ADARB2: variants seen among roughly 807,000 people sequenced by gnomAD.
ADARB2 encodes the protein inactive double-stranded RNA-specific editase B2.
ADARB2 carries 25 observed loss-of-function variants against 62.2 expected under a neutral mutation model. That is an observed-to-expected ratio of 0.40 (90% CI 0.29 to 0.56). ADARB2 has a LOEUF of 0.56. ADARB2 is among the 20% of genes least tolerant of loss of function. The pLI, the probability that ADARB2 is intolerant of heterozygous loss-of-function variation, is 0.43. For missense variants in ADARB2, 1,071 were observed against 1,077.4 expected, an observed-to-expected ratio of 0.99 and a Z score of 0.08; for synonymous variants, 572 against 500.8, an observed-to-expected ratio of 1.14 and a Z score of -1.90.
At chr10:1,519,253 C>A (rs555871989) in intron 1 of ADARB2, among the ~76,000 whole-genome samples, 1 of 149,338 alleles carries the variant, frequency 6.7e-6, no homozygotes, top group Non-Finnish European at 1.5e-5. Context: ...TTCCATGTAA[C>A]GTCTGCATGT....
chr10:1,442,837 AT>A (rs1830921945), intron 1 of ADARB2, among the ~76,000 whole-genome samples: 1 of 152,204 alleles, frequency 6.6e-6, no homozygotes, highest in African/African-American at 2.4e-5. Context: ...AGACCAAGAG[AT>A]GCTCGAGGGG....
At chr10:1,401,743 G>A (rs1363322230) in intron 1 of ADARB2, among the ~76,000 whole-genome samples, 8 of 152,138 alleles carry the variant, frequency 5.3e-5, no homozygotes, top group South Asian at 2.1e-4. Context: ...TGAGCCTCAC[G>A]CTCTCTAGAG....
At chr10:1,443,676 C>T (rs1564290357) in intron 1 of ADARB2, among the ~76,000 whole-genome samples, 3 of 151,974 alleles carry the variant, frequency 2.0e-5, no homozygotes, top group African/African-American at 4.8e-5. Context: ...TAGCTGATTT[C>T]GCAGCTAATT....
chr10:1,270,073 T>A (rs897434321), intron 4 of ADARB2, among the ~76,000 whole-genome samples: 4 of 152,202 alleles, frequency 2.6e-5, no homozygotes. Context: ...GAGGCCCACA[T>A]TGGGAAGATC....
intron 3 of ADARB2, among the ~76,000 whole-genome samples, chr10:1,314,816 C>T (rs973652177): frequency 2.0e-5 from 3 of 152,170 alleles, no homozygotes; most frequent in Admixed American, 2.0e-4. Flanking sequence ...AACATGGCCT[C>T]GGATGCCTGC....
chr10:1,419,642 G>A (rs1191073211), intron 1 of ADARB2, among the ~76,000 whole-genome samples: 1 of 152,198 alleles, frequency 6.6e-6, no homozygotes, highest in African/African-American at 2.4e-5. Context: ...ATGTTTGTGG[G>A]TTTTATTAAA....
intron 8 of ADARB2, among the ~76,000 whole-genome samples, chr10:1,189,891 G>A (rs1413613588): frequency 1.5e-5 from 2 of 133,096 alleles, no homozygotes; most frequent in Non-Finnish European, 1.6e-5. Context: ...AACACGTGGC[G>A]CTACCTCCTT....
At chr10:1,698,080 T>G (rs921687600) in intron 1 of ADARB2, among the ~76,000 whole-genome samples, 1 of 152,194 alleles carries the variant, frequency 6.6e-6, no homozygotes, top group Non-Finnish European at 1.5e-5. Context: ...AATCAACATC[T>G]CTACCTCTCC....
chr10:1,625,762 C>T (rs1003718252), intron 1 of ADARB2, among the ~76,000 whole-genome samples: 1 of 152,160 alleles, frequency 6.6e-6, no homozygotes. Flanking sequence ...TAAGTGTCCC[C>T]AGCGAGGCCT....
intron 1 of ADARB2, among the ~76,000 whole-genome samples, chr10:1,515,333 C>T (rs1831995003): frequency 1.3e-5 from 2 of 152,208 alleles, no homozygotes; most frequent in South Asian, 2.1e-4. Context: ...TGGGCCCTGA[C>T]CCCCTGAGCC....
rs201915387 is a variant in ADARB2 at position 1,448,116 on chromosome 10, G to GA, written c.101-68957dup. Among the ~76,000 whole-genome samples, 206 of 152,290 alleles carry GA rather than the reference G, an allele frequency of 1.4e-3. 1 individual carries two copies. Among genetic ancestry groups the GA allele is most frequent in the African/African-American group, 4.9e-3 (203 of 41,556 alleles). On this transcript the variant is annotated intron_variant, in intron 1 of 9. Transcript: ENST00000381312. ...GCTAAATTGATGTTCTTTAGTTATC[G>GA]AGGGGGAAAGATAATTATATCCTTG...
chr10:1,626,345 C>A (rs1833769152), intron 1 of ADARB2, among the ~76,000 whole-genome samples: 1 of 126,884 alleles, frequency 7.9e-6, no homozygotes, highest in Admixed American at 8.4e-5. Context: ...TGCATGGACA[C>A]AGGCCTCCAC....
Position 1,713,090 on chromosome 10 carries a change from A to G in ADARB2, c.100+23961T>C, listed in dbSNP as rs567309441. On this transcript the variant is annotated intron_variant, in intron 1 of 9. Coordinates refer to ENST00000381312, the MANE Select transcript of ADARB2 (RefSeq NM_018702.4). ...TAATAGTGGCCAGTTTGAGAAAAAA[A>G]GCATAGTTGTTAGGAGTCAGGCGAT... is the stretch of plus-strand genomic sequence containing the variant. Among the ~76,000 whole-genome samples the G allele has an allele frequency of 3.3e-5, 5 of 152,292 alleles. No individual in the cohort carries two copies. The South Asian group carries it at 1.0e-3, about 32-fold the overall frequency.
intron 1 of ADARB2, among the ~76,000 whole-genome samples, chr10:1,489,980 G>T (rs934590437): frequency 5.9e-5 from 9 of 152,186 alleles, no homozygotes; most frequent in Non-Finnish European, 1.2e-4. Flanking sequence ...TGCTACAGGT[G>T]CACGGACAAC....
intron 2 of ADARB2, among the ~76,000 whole-genome samples, chr10:1,373,368 C>T (rs994732717): frequency 1.3e-5 from 2 of 152,068 alleles, no homozygotes; most frequent in Admixed American, 6.6e-5. Context: ...TTGGTAAAGG[C>T]TCCTCAGAGT....
intron 1 of ADARB2, among the ~76,000 whole-genome samples, chr10:1,510,128 C>CTT (rs1240871170): frequency 1.4e-4 from 17 of 123,066 alleles, no homozygotes; most frequent in Non-Finnish European, 2.5e-4. Context: ...TTCTTTCTTT[C>CTT]TTTCTTTCTT....
chr10:1,376,746 G>A (rs1416288927), intron 2 of ADARB2, among the ~76,000 whole-genome samples: 1 of 152,002 alleles, frequency 6.6e-6, no homozygotes, highest in African/African-American at 2.4e-5. Context: ...TTTTTCTCCT[G>A]AGGGAGACCA....
chr10:1,713,270 A>C (rs1237907240), intron 1 of ADARB2, among the ~76,000 whole-genome samples: 1 of 152,198 alleles, frequency 6.6e-6, no homozygotes, highest in Non-Finnish European at 1.5e-5. Flanking sequence ...GCTTAAGTGG[A>C]TCCTACAGCG....
chr10:1,695,766 A>G (rs79090975), intron 1 of ADARB2, among the ~76,000 whole-genome samples: 13,829 of 152,212 alleles, frequency 0.091, 770 homozygotes, highest in African/African-American at 0.15. Context: ...ATGCATGTGT[A>G]GGTGTGTCTG....
Sources: gnomAD v4.1 joint callset for allele counts (sites outside exome capture counted in the v4.1 genomes callset) on GRCh38, gnomAD v4.1.1 for gene constraint, MANE v1.5 for transcripts, NCBI Gene and HGNC (gene_info 2026-07-23, HGNC 2026-07-21) for gene names.